The following JAKMIP2 variants were observed in gnomAD, a reference collection of about 807,000 sequenced individuals.
JAKMIP2 encodes the protein janus kinase and microtubule-interacting protein 2.
Under a neutral mutation model 115.0 loss-of-function variants are expected in JAKMIP2, and 25 were observed. The ratio of observed to expected loss-of-function variants is 0.22; its 90% CI spans 0.16 to 0.30. JAKMIP2 has a LOEUF of 0.30. Ranked by LOEUF, JAKMIP2 falls within the 10% of genes least tolerant of loss-of-function variation. JAKMIP2 has a pLI of 1.00. For missense variants in JAKMIP2, 642 were observed against 957.6 expected (o/e 0.67, Z 4.35); for synonymous variants, 334 against 343.6 (o/e 0.97, Z 0.31).
intron 2 of JAKMIP2, among the ~76,000 whole-genome samples, chr5:147,666,256 G>A (rs1337180015): frequency 6.6e-6 from 1 of 152,082 alleles, no homozygotes; most frequent in African/African-American, 2.4e-5. Flanking sequence ...TATTTGCAGT[G>A]CAGATGGCAC....
intron 13 of JAKMIP2, among the ~76,000 whole-genome samples, chr5:147,632,453 T>G (rs1368434741): frequency 6.6e-6 from 1 of 152,156 alleles, no homozygotes; most frequent in Non-Finnish European, 1.5e-5. Context: ...GCACAGTATC[T>G]AAGTAGACAG....
At position 147,764,969 on chromosome 5, in the gene JAKMIP2, G is replaced by GGA. The variant is rs1444012020; in HGVS notation, c.-149+17485_-149+17486dup. ...GAGGGAGAGAGAGAGAGAGAGAGGG[G>GGA]GAGAGAGAGAGAGAGAGAGAGGGAG... On this transcript the variant is annotated intron_variant, in intron 1 of 21. Transcript: ENST00000616793. Among the ~76,000 whole-genome samples the GGA allele has an allele frequency of 6.2e-4, 21 of 33,916 alleles. 1 individual carries two copies. The highest frequency in any genetic ancestry group is 2.6e-3 in the Admixed American group (6 of 2,334). 22.3% of individuals were successfully genotyped at this position (33,916 alleles called of 152,430 possible).
At chr5:147,706,157 C>T (rs1202729642) in intron 1 of JAKMIP2, among the ~76,000 whole-genome samples, 3 of 151,976 alleles carry the variant, frequency 2.0e-5, no homozygotes, top group East Asian at 3.9e-4. Context: ...ATGCAGATAT[C>T]GGAAAATAAA....
At chr5:147,779,666 A>G (rs1214674678) in intron 1 of JAKMIP2, among the ~76,000 whole-genome samples, 1 of 152,126 alleles carries the variant, frequency 6.6e-6, no homozygotes, top group Non-Finnish European at 1.5e-5. Context: ...TTCTTTACAA[A>G]TACCTAGAAC....
At chr5:147,686,200 G>A (rs967083238) in intron 1 of JAKMIP2, among the ~76,000 whole-genome samples, 2 of 152,178 alleles carry the variant, frequency 1.3e-5, no homozygotes, top group African/African-American at 2.4e-5. Flanking sequence ...TGTCCACGCT[G>A]CAAAACCTGA....
chr5:147,764,314 C>T (rs1222054970), intron 1 of JAKMIP2, among the ~76,000 whole-genome samples: 1 of 151,932 alleles, frequency 6.6e-6, no homozygotes, highest in Non-Finnish European at 1.5e-5. Context: ...CAATTATGCA[C>T]TGAACAGTAC....
At chr5:147,681,900 C>A (rs188548137) in intron 1 of JAKMIP2, among the ~76,000 whole-genome samples, 221 of 151,884 alleles carry the variant, frequency 1.5e-3, no homozygotes, top group African/African-American at 5.0e-3. Context: ...AAAATTAGCC[C>A]GGCATAGTGG....
At chr5:147,691,934 C>T (rs1346054064) in intron 1 of JAKMIP2, among the ~76,000 whole-genome samples, 1 of 151,896 alleles carries the variant, frequency 6.6e-6, no homozygotes, top group Non-Finnish European at 1.5e-5. Flanking sequence ...CTTCCTGTTT[C>T]GGAGACTTTA....
chr5:147,629,122 A>G (rs1001275317), intron 15 of JAKMIP2, among the ~76,000 whole-genome samples: 4 of 152,216 alleles, frequency 2.6e-5, no homozygotes, highest in South Asian at 4.1e-4. Flanking sequence ...CAGTCTCTTC[A>G]TAGAAGTTTT....
Position 147,650,434 on chromosome 5 carries a change from T to C in JAKMIP2, c.741A>G (p.Gln247=). Residue 247 remains glutamine, a synonymous_variant, in exon 4 of 22, where the codon CAA becomes CAG. Coordinates refer to ENST00000616793, the MANE Select transcript of JAKMIP2 (RefSeq NM_001270941.2). ...LQLQKEALDE[Q]LFLVKEAECN... is the part of the protein sequence containing the mutation. ...ACTCAGCCTCCTTGACCAGAAAGAG[T>C]TGTTCGTCCAAAGCCTCCTTCTGAA... 1 of 1,613,734 alleles carries C rather than the reference T, an allele frequency of 6.2e-7. No homozygotes were observed. The highest frequency in any genetic ancestry group is 8.5e-7 in the Non-Finnish European group (1 of 1,179,762).
intron 1 of JAKMIP2, among the ~76,000 whole-genome samples, chr5:147,722,966 T>C (rs985575336): frequency 6.6e-6 from 1 of 152,146 alleles, no homozygotes; most frequent in Admixed American, 6.5e-5. Flanking sequence ...CAGCAAAGCA[T>C]TTTTGGGGGA....
intron 7 of JAKMIP2, among the ~76,000 whole-genome samples, chr5:147,643,707 A>C (rs1713099654): frequency 6.6e-6 from 1 of 152,244 alleles, no homozygotes; most frequent in African/African-American, 2.4e-5. Flanking sequence ...TTGTTAGCAT[A>C]GACAACATAT....
chr5:147,721,813 G>A (rs987113195), intron 1 of JAKMIP2, among the ~76,000 whole-genome samples: 6 of 152,122 alleles, frequency 3.9e-5, no homozygotes, highest in South Asian at 2.1e-4. Flanking sequence ...CGTCTTCTGC[G>A]TCGCTCATGC....
chr5:147,781,614 C>A (rs979212457), intron 1 of JAKMIP2, among the ~76,000 whole-genome samples: 1 of 152,126 alleles, frequency 6.6e-6, no homozygotes, highest in Non-Finnish European at 1.5e-5. Context: ...ACAGATCAAA[C>A]GATAGGCATC....
chr5:147,639,288 C>T (rs1392012510), intron 10 of JAKMIP2, among the ~76,000 whole-genome samples: 1 of 152,120 alleles, frequency 6.6e-6, no homozygotes, highest in Non-Finnish European at 1.5e-5. Flanking sequence ...GACACTGGCT[C>T]ACTATTGCTT....
intron 1 of JAKMIP2, among the ~76,000 whole-genome samples, chr5:147,697,398 A>C (rs1752148297): frequency 6.6e-6 from 1 of 152,232 alleles, no homozygotes; most frequent in Admixed American, 6.5e-5. Flanking sequence ...ATTCTGGGAG[A>C]TAAAACTGAA....
In JAKMIP2 at chr5:147,595,230, T is replaced by G. The variant is rs569051958; in HGVS notation, c.*21-3544A>C. Among the ~76,000 whole-genome samples, 3 of 152,302 alleles carry G rather than the reference T, an allele frequency of 2.0e-5. No homozygotes were observed. In the East Asian group the frequency reaches 5.8e-4, roughly 29 times the overall value. On this transcript the variant is annotated intron_variant, in intron 21 of 21. Coordinates refer to ENST00000616793, the MANE Select transcript of JAKMIP2 (RefSeq NM_001270941.2). Reference sequence around the variant, plus strand: ...AAATTAACGTTTGGAGAGTGCTATATTTTGAATGTTTTTGTCCCCTCCAAA... The same window carrying G: ...AAATTAACGTTTGGAGAGTGCTATAGTTTGAATGTTTTTGTCCCCTCCAAA...
chr5:147,623,750 T>C, intron 16 of JAKMIP2, 61 bp from the exon 17 acceptor site: 1 of 1,087,484 alleles, frequency 9.2e-7, no homozygotes, highest in Non-Finnish European at 1.4e-6. Context: ...TATATCTGTG[T>C]GCCCCCATGA....
At chr5:147,721,203 C>G (rs1297141421) in intron 1 of JAKMIP2, among the ~76,000 whole-genome samples, 28 of 151,326 alleles carry the variant, frequency 1.9e-4, no homozygotes, top group Admixed American at 2.6e-4. Context: ...GCAGTCTGCC[C>G]GTTCTCAGAT....
Sources: gnomAD v4.1 joint callset for allele counts (sites outside exome capture counted in the v4.1 genomes callset) on GRCh38, gnomAD v4.1.1 for gene constraint, MANE v1.5 for transcripts, NCBI Gene and HGNC (gene_info 2026-07-23, HGNC 2026-07-21) for gene names.